Variants in ATRNL1 observed in about 807,000 individuals in gnomAD.
ATRNL1 encodes attractin like 1.
Under a neutral mutation model 182.7 loss-of-function variants are expected in ATRNL1, and 95 were observed. The observed-to-expected ratio is 0.52, with a 90% CI of 0.44 to 0.62. The LOEUF is 0.62. ATRNL1 is among the 20% of genes least tolerant of loss of function. The pLI is 0.00. For missense variants in ATRNL1, 1,471 were observed against 1,679.5 expected, an observed-to-expected ratio of 0.88 and a Z score of 2.17; for synonymous variants, 576 against 568.3, an observed-to-expected ratio of 1.01 and a Z score of -0.19.
At chr10:115,625,814 A>G (rs1858058790) in intron 26 of ATRNL1, among the ~76,000 whole-genome samples, 1 of 152,116 alleles carries the variant, frequency 6.6e-6, no homozygotes, top group Non-Finnish European at 1.5e-5. Flanking sequence ...TTATATTTCC[A>G]ACCTCAATGA....
intron 13 of ATRNL1, among the ~76,000 whole-genome samples, chr10:115,279,008 C>G (rs1554915817): frequency 6.6e-6 from 1 of 151,912 alleles, no homozygotes; most frequent in African/African-American, 2.4e-5. Context: ...CGAGACCATC[C>G]TGGCTAACAT....
At chr10:115,757,313 TG>T (rs563904327) in intron 27 of ATRNL1, among the ~76,000 whole-genome samples, 204 of 152,260 alleles carry the variant, frequency 1.3e-3, no homozygotes, top group Non-Finnish European at 2.3e-3. Flanking sequence ...TTTCTTTCCA[TG>T]TGTAGTACTT....
At chr10:115,145,305 G>A (rs949270545) in intron 5 of ATRNL1, among the ~76,000 whole-genome samples, 1 of 152,042 alleles carries the variant, frequency 6.6e-6, no homozygotes, top group Non-Finnish European at 1.5e-5. Flanking sequence ...TTTACATATT[G>A]AGATTCCTTG....
chr10:115,727,106 C>T (rs894979280), intron 26 of ATRNL1, 142 bp from the exon 27 acceptor site: 2 of 620,608 alleles, frequency 3.2e-6, no homozygotes, highest in Admixed American at 2.8e-5. Flanking sequence ...TAATTTTCAT[C>T]TTTAGTATTC....
intron 7 of ATRNL1, among the ~76,000 whole-genome samples, chr10:115,167,271 A>G (rs1340562462): frequency 6.6e-6 from 1 of 151,444 alleles, no homozygotes; most frequent in African/African-American, 2.4e-5. Context: ...GTCTGTCTTT[A>G]TGCTAGTACC....
intron 25 of ATRNL1, among the ~76,000 whole-genome samples, chr10:115,527,949 CTTCT>C (rs1348505625): frequency 4.1e-5 from 4 of 96,720 alleles, no homozygotes; most frequent in African/African-American, 1.6e-4. Context: ...TCCTTCCTTC[CTTCT>C]TTCCTTCCCT....
intron 8 of ATRNL1, among the ~76,000 whole-genome samples, chr10:115,203,021 A>G (rs150316485): frequency 0.012 from 1,814 of 152,034 alleles, 33 homozygotes; most frequent in African/African-American, 0.04. Context: ...TATTTGCGTA[A>G]AGGTGTTTGT....
intron 24 of ATRNL1, among the ~76,000 whole-genome samples, chr10:115,519,003 C>A (rs901055050): frequency 8.6e-5 from 13 of 151,880 alleles, no homozygotes; most frequent in Admixed American, 4.6e-4. Context: ...TCACATGAAA[C>A]TCTTAGCGTG....
chr10:115,939,554 G>A (rs145146374), intron 28 of ATRNL1, among the ~76,000 whole-genome samples: 2 of 152,298 alleles, frequency 1.3e-5, no homozygotes, highest in Admixed American at 6.5e-5. Flanking sequence ...TGCAGCATCT[G>A]TGCATCATCT....
At chr10:115,936,419 A>G (rs1589716695) in intron 28 of ATRNL1, among the ~76,000 whole-genome samples, 1 of 152,324 alleles carries the variant, frequency 6.6e-6, no homozygotes, top group South Asian at 2.1e-4. Context: ...AGTGCCTGGC[A>G]TATAGTAGGC....
intron 28 of ATRNL1, among the ~76,000 whole-genome samples, chr10:115,887,769 A>AC (rs1951983660): frequency 1.4e-5 from 2 of 147,280 alleles, no homozygotes; most frequent in African/African-American, 5.1e-5. Flanking sequence ...CCTCTACTTT[A>AC]CCCCCCATAT....
intron 9 of ATRNL1, among the ~76,000 whole-genome samples, chr10:115,216,086 T>A (rs1849219537): frequency 6.6e-6 from 1 of 152,200 alleles, no homozygotes; most frequent in African/African-American, 2.4e-5. Context: ...GCACTCATAT[T>A]TTATTGTCAT....
At chr10:115,134,579 G>C (rs1554876138) in intron 5 of ATRNL1, among the ~76,000 whole-genome samples, 1 of 152,182 alleles carries the variant, frequency 6.6e-6, no homozygotes, top group Non-Finnish European at 1.5e-5. Context: ...GGACCAGACG[G>C]ATTCACAGGT....
chr10:115,677,414 C>G (rs1002603595), intron 26 of ATRNL1, among the ~76,000 whole-genome samples: 1 of 151,996 alleles, frequency 6.6e-6, no homozygotes, highest in Non-Finnish European at 1.5e-5. Context: ...GGCTGTGCCC[C>G]CACCCAAATC....
chr10:115,189,302 C>T (rs1848077693), intron 8 of ATRNL1, among the ~76,000 whole-genome samples: 1 of 151,366 alleles, frequency 6.6e-6, no homozygotes, highest in Non-Finnish European at 1.5e-5. Flanking sequence ...TATGTGTTTA[C>T]TATACTTTTT....
intron 26 of ATRNL1, among the ~76,000 whole-genome samples, chr10:115,587,447 A>G (rs117767670): frequency 0.47 from 70,519 of 149,308 alleles, 18,299 homozygotes; most frequent in East Asian, 0.84. Flanking sequence ...CCAGGTGCGG[A>G]ATATAATCTC....
chr10:115,332,827 T>C, intron 18 of ATRNL1, among the ~76,000 whole-genome samples: 1 of 152,228 alleles, frequency 6.6e-6, no homozygotes, highest in East Asian at 1.9e-4. Flanking sequence ...AATATCTGTT[T>C]TTTTTTTACA....
Position 115,504,399 on chromosome 10 carries a change from G to A in ATRNL1, c.3655-14864G>A, listed in dbSNP as rs75984540. On this transcript the variant is annotated intron_variant, in intron 24 of 28. Transcript: ENST00000355044. ...TAACATTCCCTTCCCAAAACAAACCGTATTGCCTGTGGACTAGTCCACCTA... is the reference window on the plus strand; with the variant it reads ...TAACATTCCCTTCCCAAAACAAACCATATTGCCTGTGGACTAGTCCACCTA... 1.2e-4 allele frequency among the ~76,000 whole-genome samples: 19 copies of A among 152,072 alleles called. No individual in the cohort carries two copies. In the South Asian group the frequency reaches 1.4e-3, roughly 12 times the overall value.
rs1554946130 is a variant in ATRNL1, at chr10:115,366,877, C to T, written c.3176-27782C>T. Among the ~76,000 whole-genome samples the T allele has an allele frequency of 6.3e-5, 9 of 143,092 alleles. No homozygotes were observed. In the South Asian group the frequency reaches 1.8e-3, roughly 28 times the overall value. The allele number at this position is 143,092 out of a possible 152,430, so 93.9% of individuals were successfully genotyped here. A position where few individuals can be genotyped will look rare whatever the true frequency, so the allele number is the denominator to read the frequency against. On this transcript the variant is annotated intron_variant, in intron 19 of 28. Coordinates refer to ENST00000355044, the MANE Select transcript of ATRNL1 (RefSeq NM_207303.4). ...TCTCTTCTGGCTTGTAGGGTTTCTG[C>T]CGAGAGATCCACTGTTAGTCTGATG...
Sources: gnomAD v4.1 joint callset for allele counts (sites outside exome capture counted in the v4.1 genomes callset) on GRCh38, gnomAD v4.1.1 for gene constraint, MANE v1.5 for transcripts, NCBI Gene and HGNC (gene_info 2026-07-23, HGNC 2026-07-21) for gene names.